The following CEP170B variants were observed in gnomAD, a reference collection of about 807,000 sequenced individuals.
CEP170B encodes the protein centrosomal protein of 170 kDa protein B.
CEP170B carries 55 observed loss-of-function variants against 120.6 expected under a neutral mutation model. The observed-to-expected ratio is 0.46, with a 90% CI of 0.37 to 0.57. CEP170B has a LOEUF of 0.57. Among genes scored for constraint, CEP170B ranks in the 20% least tolerant of loss-of-function variants. CEP170B has a pLI of 0.00. For synonymous variants in CEP170B, 1,033 were observed against 954.5 expected (o/e 1.08, Z -1.52); for missense variants, 2,212 against 2,253.3 (o/e 0.98, Z 0.37).
rs769643085 is a variant in CEP170B at position 104,887,293 on chromosome 14, G to A, written c.3054G>A (p.Thr1018=). 14 of 1,609,704 alleles carry A rather than the reference G, an allele frequency of 8.7e-6. No individual in the cohort carries two copies. The highest frequency in any genetic ancestry group is 3.3e-4 in the Middle Eastern group (2 of 6,056). ...SERQHHPLGP[T]DMGRGEPVRR... ...GGCAGCATCACCCACTTGGCCCGAC[G>A]GACATGGGCCGTGGAGAGCCGGTAC... Residue 1018 remains threonine, a synonymous_variant, in exon 12 of 19, where the codon ACG becomes ACA. Coordinates refer to ENST00000414716, the MANE Select transcript of CEP170B (RefSeq NM_001112726.3).
Position 104,886,603 on chromosome 14 carries a change from C to T in CEP170B, c.2364C>T (p.Ala788=). 2 of 1,518,890 alleles carry T rather than the reference C, an allele frequency of 1.3e-6. No individual in the cohort carries two copies. The highest frequency in any genetic ancestry group is 1.3e-5 in the South Asian group (1 of 75,212). 94.1% of individuals were successfully genotyped at this position (1,518,890 alleles called of 1,614,324 possible). Residue 788 remains alanine, a synonymous_variant, in exon 12 of 19, where the codon GCC becomes GCT. Coordinates refer to ENST00000414716, the MANE Select transcript of CEP170B (RefSeq NM_001112726.3). ...TWSRGRRSPR[A]PGEPTPASFF... is the part of the protein sequence containing the mutation. ...GCAGGGGTCGGCGCTCACCAAGGGC[C>T]CCCGGGGAGCCAACTCCCGCCTCTT...
Position 104,893,671 on chromosome 14 carries a change from G to T in CEP170B, c.4182+5G>T. The stretch of plus-strand genomic sequence containing the variant: ...CGGCCTCGGAACCGAGAGGAGGCAC[G>T]GTGCCCACTACCGCCACGGAGCTGG... On this transcript the variant is annotated splice_donor_5th_base_variant and intron_variant, in intron 15 of 18. Coordinates refer to ENST00000414716, the MANE Select transcript of CEP170B (RefSeq NM_001112726.3). The T allele has an allele frequency of 6.3e-7, 1 of 1,584,026 alleles. No homozygotes were observed. Among genetic ancestry groups the T allele is most frequent in the South Asian group, 1.1e-5 (1 of 87,114 alleles).
rs559643766 is a variant in CEP170B, at chr14:104,883,712, C to T, written c.1052-119C>T. ...CACTTCTTTGCCCTGTGTGGGGGGG[C>T]CCTGAGGGCTGGGGTGCTTTGTCAA... On this transcript the variant is annotated intron_variant, in intron 8 of 18. Transcript: ENST00000414716. 15 of 1,138,922 alleles carry T rather than the reference C, an allele frequency of 1.3e-5. No individual in the cohort carries two copies. The Admixed American group carries it at 1.4e-4, about 11-fold the overall frequency. 70.6% of individuals were successfully genotyped at this position (1,138,922 alleles called of 1,614,324 possible).
chr14:104,891,601 C>A lies in CEP170B; in HGVS notation c.3879-1375C>A, dbSNP rs868026405. Among the ~76,000 whole-genome samples, 5 of 151,944 alleles carry A rather than the reference C, an allele frequency of 3.3e-5. No individual in the cohort carries two copies. The highest frequency in any genetic ancestry group is 9.7e-5 in the African/African-American group (4 of 41,334). On this transcript the variant is annotated intron_variant, in intron 13 of 18. Transcript: ENST00000414716. The surrounding 1 kb of genome is among the most constrained non-coding windows in gnomAD (Gnocchi z 4.3). ...GGAGCATAGGGAAGAAGGCTGCCATCAGCGGAGGAGGCTAGCACAGGGCTA... is the reference window on the plus strand; with the variant it reads ...GGAGCATAGGGAAGAAGGCTGCCATAAGCGGAGGAGGCTAGCACAGGGCTA...
intron 13 of CEP170B, among the ~76,000 whole-genome samples, chr14:104,890,239 AGGGT>A (rs1305522148): frequency 2.4e-4 from 4 of 16,744 alleles, no homozygotes; most frequent in Non-Finnish European, 4.5e-4. Flanking sequence ...GATGAATAGG[AGGGT>A]GGGTGGGTGG....
At chr14:104,872,430 T>G (rs61995992) in intron 2 of CEP170B, among the ~76,000 whole-genome samples, 2 of 46,708 alleles carry the variant, frequency 4.3e-5, no homozygotes, top group Admixed American at 2.8e-4. Context: ...GTGCCGTGCG[T>G]GTGTGCGTGT....
intron 3 of CEP170B, 21 bp from the exon 4 acceptor site, chr14:104,877,864 C>T (rs769575524): frequency 2.1e-5 from 25 of 1,203,980 alleles, no homozygotes; most frequent in Non-Finnish European, 2.6e-5. Flanking sequence ...CCCCCCCCCC[C>T]CGCCACCTGT....
chr14:104,877,924 G>A lies in CEP170B; in HGVS notation c.235G>A (p.Val79Ile), dbSNP rs1433331655. 7.6e-6 allele frequency: 12 copies of A among 1,569,064 alleles called. No homozygotes were observed. Among genetic ancestry groups the A allele is most frequent in the East Asian group, 4.6e-5 (2 of 43,620 alleles). ...CATGCGCATCCCGGACCAGAAGTAC[G>A]TCACGCTGAAGCTCAACGATGTCAT... ...NDMRIPDQKY[V>I]TLKLNDVIRF... Residue 79 changes from valine to isoleucine, a missense_variant, in exon 4 of 19, where the codon GTC becomes ATC. Val to Ile is a conservative substitution (Grantham distance 29). Coordinates refer to ENST00000414716, the MANE Select transcript of CEP170B (RefSeq NM_001112726.3).
Position 104,895,048 on chromosome 14 carries a change from C to T in CEP170B, c.*90C>T, listed in dbSNP as rs1318323231. The T allele has an allele frequency of 1.4e-6, 2 of 1,391,870 alleles. No individual in the cohort carries two copies. Among genetic ancestry groups the T allele is most frequent in the African/African-American group, 2.9e-5 (2 of 68,900 alleles). The allele number at this position is 1,391,870 out of a possible 1,614,324, so 86.2% of individuals were successfully genotyped here. ...CCCGCCTGCCTGGCCGCAGGTGGTT[C>T]TCCCTGAAGACCCCCACATGTGCCA... On this transcript the variant is annotated 3_prime_UTR_variant, in exon 19 of 19. Transcript: ENST00000414716.
intron 2 of CEP170B, among the ~76,000 whole-genome samples, chr14:104,869,899 A>G (rs530664592): frequency 7.6e-4 from 115 of 152,282 alleles, no homozygotes; most frequent in African/African-American, 2.6e-3. Context: ...AGCAGCTGGG[A>G]TGGACTAAGT....
chr14:104,866,790 A>G (rs1430232098), intron 1 of CEP170B, among the ~76,000 whole-genome samples: 1 of 152,118 alleles, frequency 6.6e-6, no homozygotes, highest in Admixed American at 6.5e-5. Context: ...GCACTGGGCA[A>G]AGTAGGGACA....
Position 104,884,115 on chromosome 14 carries a change from C to T in CEP170B, c.1336C>T (p.Pro446Ser). The part of the protein sequence containing the change: ...RGPTPADRDR[P>S]SVPAPVQAGG... ...CCCAACGCCGGCCGATAGGGACCGC[C>T]CCAGTGTCCCAGCCCCAGTCCAGGC... The change falls in exon 9 of 19, where the codon CCC becomes TCC. Residue 446 changes from proline (P) to serine (S), a missense_variant. Pro to Ser is a moderately conservative substitution (Grantham distance 74, BLOSUM62 -1). This residue lies in a region of CEP170B where 2,166 missense variants were observed against 2,166.7 expected (regional missense o/e 1.00). Transcript: ENST00000414716. 6.4e-7 allele frequency: 1 copy of T among 1,571,048 alleles called. No individual in the cohort carries two copies. The highest frequency in any genetic ancestry group is 8.6e-7 in the Non-Finnish European group (1 of 1,158,984).
rs1348979286 is a variant in CEP170B, at chr14:104,880,516, T to G, written c.472+91T>G. 3 of 1,527,260 alleles carry G rather than the reference T, an allele frequency of 2.0e-6. No individual in the cohort carries two copies. The African/African-American group carries it at 4.1e-5, about 21-fold the overall frequency. 94.6% of individuals were successfully genotyped at this position (1,527,260 alleles called of 1,614,324 possible). ...TGCCTCTCTGCACCCCTTAACCCTC[T>G]GCATGCATATACCATGTACACCCAT... On this transcript the variant is annotated intron_variant, in intron 6 of 18. Transcript: ENST00000414716.
At position 104,895,614 on chromosome 14, in the gene CEP170B, T is replaced by TATGGA. The variant is rs1897044406; in HGVS notation, c.*657_*661dup. 1 of 152,632 alleles carries TATGGA rather than the reference T, an allele frequency of 6.6e-6. No individual in the cohort carries two copies. Among genetic ancestry groups the TATGGA allele is most frequent in the South Asian group, 2.1e-4 (1 of 4,836 alleles). 9.5% of individuals were successfully genotyped at this position (152,632 alleles called of 1,614,324 possible). A position where few individuals can be genotyped will look rare whatever the true frequency, so the allele number is the denominator to read the frequency against. The stretch of plus-strand genomic sequence containing the variant: ...GGCTGCCCTGTGGAGGCCTCCTGGG[T>TATGGA]ATGGACCAGGGGCTTGTTGAGAGCT... On this transcript the variant is annotated 3_prime_UTR_variant, in exon 19 of 19. Coordinates refer to ENST00000414716, the MANE Select transcript of CEP170B (RefSeq NM_001112726.3).
rs1337245716 is a variant in CEP170B, at chr14:104,893,054, G to C, written c.3957G>C (p.Leu1319=). 6.3e-7 allele frequency: 1 copy of C among 1,598,024 alleles called. No individual in the cohort carries two copies. The highest frequency in any genetic ancestry group is 8.5e-7 in the Non-Finnish European group (1 of 1,174,170). Residue 1319 remains leucine, a synonymous_variant, in exon 14 of 19, where the codon CTG becomes CTC. Transcript: ENST00000414716. Reference sequence around the variant, plus strand: ...ATGTGGCTGGGGACGGTGACACACTGGGCTCCTCGGAGCCTGCCCACAGCG... The same window carrying C: ...ATGTGGCTGGGGACGGTGACACACTCGGCTCCTCGGAGCCTGCCCACAGCG... The part of the protein sequence containing the change: ...IHDVAGDGDT[L]GSSEPAHSAS...
chr14:104,888,735 G>A (rs78277917), intron 12 of CEP170B, among the ~76,000 whole-genome samples: 8,805 of 152,304 alleles, frequency 0.058, 336 homozygotes, highest in East Asian at 0.12. Context: ...ACCCACCCAC[G>A]ATCCCAGTGG....
Position 104,868,622 on chromosome 14 carries a change from A to G in CEP170B, c.105+67A>G. The G allele has an allele frequency of 7.0e-7, 1 of 1,433,788 alleles. No individual in the cohort carries two copies. The highest frequency in any genetic ancestry group is 2.1e-5 in the Admixed American group (1 of 48,542). 88.8% of individuals were successfully genotyped at this position (1,433,788 alleles called of 1,614,324 possible). ...CAGTCTGTCCCTGTGGAGGCCAGGA[A>G]GGTGCCCACCCCACTTGCTGCAGGC... On this transcript the variant is annotated intron_variant, in intron 2 of 18. Transcript: ENST00000414716. The surrounding 1 kb of genome is among the most constrained non-coding windows in gnomAD (Gnocchi z 5.9).
At position 104,870,167 on chromosome 14, in the gene CEP170B, G is replaced by C. The variant is rs1391963323; in HGVS notation, c.105+1612G>C. Among the ~76,000 whole-genome samples, 1 of 152,210 alleles carries C rather than the reference G, an allele frequency of 6.6e-6. No individual in the cohort carries two copies. The highest frequency in any genetic ancestry group is 1.5e-5 in the Non-Finnish European group (1 of 68,036). On this transcript the variant is annotated intron_variant, in intron 2 of 18. Transcript: ENST00000414716. The surrounding 1 kb of genome is among the most constrained non-coding windows in gnomAD (Gnocchi z 4.1). ...CCACAAAGTATCCACTGCAGCCCAG[G>C]CCTGTGGCCGTGGTGAGGGGCAGCC... is the stretch of plus-strand genomic sequence containing the variant.
chr14:104,872,134 CGTGTGT>C (rs1169124745), intron 2 of CEP170B, among the ~76,000 whole-genome samples: 5 of 149,888 alleles, frequency 3.3e-5, no homozygotes, highest in African/African-American at 9.9e-5. Context: ...CGTGTGTGTG[CGTGTGT>C]GTGCCGTGTG....
Sources: gnomAD v4.1 joint callset for allele counts (sites outside exome capture counted in the v4.1 genomes callset) on GRCh38, gnomAD v4.1.1 for gene constraint, gnomAD v4.1.1 regional missense constraint, Gnocchi (gnomAD v3.1) non-coding constraint, MANE v1.5 for transcripts, NCBI Gene and HGNC (gene_info 2026-07-23, HGNC 2026-07-21) for gene names.